The following EDIL3 variants were observed in gnomAD, a reference collection of about 807,000 sequenced individuals.
EDIL3 encodes EGF like and discoidin domains 3, also known as EGF-like repeat and discoidin I-like domain-containing protein 3.
In EDIL3, 37 loss-of-function variants were observed where a neutral mutation model predicts 67.4. The observed-to-expected ratio is 0.55, with a 90% CI of 0.42 to 0.72. The LOEUF is 0.72. Ranked by LOEUF, EDIL3 falls within the 30% of genes least tolerant of loss-of-function variation. EDIL3 has a pLI of 0.00. For synonymous variants in EDIL3, 195 were observed against 196.3 expected (o/e 0.99, Z 0.05); for missense variants, 527 against 586.3 (o/e 0.90, Z 1.04).
chr5:84,176,213 AT>A (rs1157434318), intron 4 of EDIL3, among the ~76,000 whole-genome samples: 10 of 124,172 alleles, frequency 8.1e-5, no homozygotes, highest in Admixed American at 7.8e-4. Context: ...ATATATATAT[AT>A]ATATATATAT....
chr5:84,229,993 T>C (rs1744537699), intron 2 of EDIL3, 109 bp from the exon 3 acceptor site: 3 of 1,005,144 alleles, frequency 3.0e-6, no homozygotes, highest in East Asian at 2.6e-5. Context: ...AACATAAATA[T>C]ATTTCACATT....
At chr5:84,180,002 T>C (rs1403211112) in intron 4 of EDIL3, among the ~76,000 whole-genome samples, 2 of 116,334 alleles carry the variant, frequency 1.7e-5, no homozygotes, top group African/African-American at 6.4e-5. Flanking sequence ...GGCAGTTTTG[T>C]GTTTTGTTTT....
chr5:83,966,749 T>C (rs1026493556), intron 9 of EDIL3, among the ~76,000 whole-genome samples: 3 of 152,042 alleles, frequency 2.0e-5, no homozygotes, highest in Admixed American at 1.3e-4. Flanking sequence ...TATAGCAATA[T>C]ATAAACACTA....
intron 10 of EDIL3, among the ~76,000 whole-genome samples, chr5:83,959,788 A>G (rs1214079759): frequency 6.6e-6 from 1 of 150,998 alleles, no homozygotes. Context: ...GGATGTATGA[A>G]ATGATACATA....
At chr5:84,021,867 T>C (rs891000410) in intron 9 of EDIL3, among the ~76,000 whole-genome samples, 1 of 151,894 alleles carries the variant, frequency 6.6e-6, no homozygotes, top group South Asian at 2.1e-4. Context: ...ATAGAAAACC[T>C]GCACAGACCA....
chr5:84,016,962 T>A (rs961078514), intron 9 of EDIL3, among the ~76,000 whole-genome samples: 3 of 152,192 alleles, frequency 2.0e-5, no homozygotes, highest in Non-Finnish European at 2.9e-5. Flanking sequence ...ACACTTAAAT[T>A]TTTCCTGTGC....
At chr5:84,262,659 G>GTTTTTTGTTTTTTT (rs1745251121) in intron 1 of EDIL3, among the ~76,000 whole-genome samples, 3 of 46,310 alleles carry the variant, frequency 6.5e-5, no homozygotes, top group South Asian at 1.5e-3. Flanking sequence ...AGGTTGGTTG[G>GTTTTTTGTTTTTTT]TTTTTTTTTT....
intron 1 of EDIL3, among the ~76,000 whole-genome samples, chr5:84,257,874 C>A (rs1745148943): frequency 6.6e-6 from 1 of 152,024 alleles, no homozygotes; most frequent in Non-Finnish European, 1.5e-5. Flanking sequence ...GGTCCTTAGG[C>A]ATACCAACAA....
At chr5:84,344,178 G>A (rs186309901) in intron 1 of EDIL3, among the ~76,000 whole-genome samples, 17 of 152,074 alleles carry the variant, frequency 1.1e-4, no homozygotes, top group African/African-American at 1.9e-4. Context: ...AAATGCCCAC[G>A]GAACACCTGC....
At chr5:84,228,002 T>C (rs1206294193) in intron 3 of EDIL3, among the ~76,000 whole-genome samples, 2 of 152,048 alleles carry the variant, frequency 1.3e-5, no homozygotes, top group Non-Finnish European at 2.9e-5. Flanking sequence ...AATATACCCA[T>C]GTAACCAACC....
intron 3 of EDIL3, among the ~76,000 whole-genome samples, chr5:84,201,893 C>T (rs1184549169): frequency 2.0e-5 from 3 of 151,846 alleles, no homozygotes; most frequent in East Asian, 1.9e-4. Flanking sequence ...GATTAAGTAA[C>T]GTGGTATGTA....
chr5:84,196,584 A>AT (rs1366051563), intron 3 of EDIL3, among the ~76,000 whole-genome samples: 20 of 152,006 alleles, frequency 1.3e-4, no homozygotes, highest in African/African-American at 4.8e-4. Flanking sequence ...AATGTAATTG[A>AT]TGTGAGGACA....
chr5:84,307,667 T>TA (rs1181386155), intron 1 of EDIL3, among the ~76,000 whole-genome samples: 2 of 152,058 alleles, frequency 1.3e-5, no homozygotes, highest in Non-Finnish European at 1.5e-5. Context: ...CTGAGGGAGT[T>TA]ATTAAAGGAA....
chr5:83,979,954 T>C (rs991219919), intron 9 of EDIL3, among the ~76,000 whole-genome samples: 7 of 152,110 alleles, frequency 4.6e-5, no homozygotes, highest in Non-Finnish European at 1.0e-4. Flanking sequence ...GACATCAATG[T>C]CTTGTAGGGC....
intron 10 of EDIL3, among the ~76,000 whole-genome samples, chr5:83,958,155 GA>G (rs1350283806): frequency 4.0e-5 from 6 of 151,514 alleles, no homozygotes; most frequent in Non-Finnish European, 8.9e-5. Flanking sequence ...TAGAAAAACA[GA>G]AAACTACACT....
chr5:84,294,384 CAAA>C lies in EDIL3; in HGVS notation c.68-40175_68-40173del, dbSNP rs1173407354. 1.6e-4 allele frequency among the ~76,000 whole-genome samples: 5 copies of C among 31,792 alleles called. No individual in the cohort carries two copies. In the South Asian group the frequency reaches 3.9e-3, roughly 25 times the overall value. 20.9% of individuals were successfully genotyped at this position (31,792 alleles called of 152,430 possible). On this transcript the variant is annotated intron_variant, in intron 1 of 10. Coordinates refer to ENST00000296591, the MANE Select transcript of EDIL3 (RefSeq NM_005711.5). ...TGGGTGACAGAGCGAGACTCTGTCT[CAAA>C]AAAAAAAAAAAAAAAAAAAAAAATT... is the stretch of plus-strand genomic sequence containing the variant.
intron 9 of EDIL3, among the ~76,000 whole-genome samples, chr5:84,019,508 C>A (rs894569889): frequency 1.3e-5 from 2 of 151,736 alleles, no homozygotes; most frequent in African/African-American, 4.8e-5. Context: ...CAAACCTGCA[C>A]GTTCTGCACA....
intron 10 of EDIL3, among the ~76,000 whole-genome samples, chr5:83,958,624 C>A (rs1744554821): frequency 6.6e-6 from 1 of 151,396 alleles, no homozygotes; most frequent in Non-Finnish European, 1.5e-5. Flanking sequence ...CTTATTTAAA[C>A]ACTACGATGT....
chr5:84,049,114 C>T (rs1746283580), intron 9 of EDIL3, among the ~76,000 whole-genome samples: 1 of 152,154 alleles, frequency 6.6e-6, no homozygotes, highest in African/African-American at 2.4e-5. Context: ...TAAATTATTA[C>T]TACTGGGTAA....
Sources: allele counts gnomAD v4.1 joint callset (sites outside exome capture counted in the v4.1 genomes callset), GRCh38; gene constraint gnomAD v4.1.1; transcripts MANE v1.5; gene names NCBI Gene and HGNC (gene_info 2026-07-23, HGNC 2026-07-21).